The following TMEM117 variants were observed in gnomAD, a reference collection of about 807,000 sequenced individuals.
TMEM117 encodes transmembrane protein 117.
In TMEM117, 27 loss-of-function variants were observed where a neutral mutation model predicts 52.4. The observed-to-expected ratio is 0.51, with a 90% CI of 0.38 to 0.71. TMEM117 has a LOEUF of 0.71. Among genes scored for constraint, TMEM117 ranks in the 30% least tolerant of loss-of-function variants. TMEM117 has a pLI of 0.00. For missense variants in TMEM117, 556 were observed against 630.5 expected, an observed-to-expected ratio of 0.88 and a Z score of 1.26; for synonymous variants, 215 against 206.3, an observed-to-expected ratio of 1.04 and a Z score of -0.36.
rs531841395 is a variant in TMEM117, at chr12:43,915,383, C to T, written c.278-28827C>T. ...GCTTCCTGTCTTGAGTCTGGTTCAT[C>T]AGTCATAGTTCTTCTTGCCTCAAGG... On this transcript the variant is annotated intron_variant, in intron 2 of 7. Coordinates refer to ENST00000266534, the MANE Select transcript of TMEM117 (RefSeq NM_032256.3). 5.3e-5 allele frequency among the ~76,000 whole-genome samples: 8 copies of T among 152,316 alleles called. 1 individual carries two copies. Among genetic ancestry groups the T allele is most frequent in the African/African-American group, 1.9e-4 (8 of 41,564 alleles).
chr12:44,001,204 G>A (rs1233156106), intron 3 of TMEM117, among the ~76,000 whole-genome samples: 13 of 152,122 alleles, frequency 8.5e-5, no homozygotes, highest in Non-Finnish European at 1.6e-4. Flanking sequence ...ATGAAAATAA[G>A]GTACATATTA....
intron 5 of TMEM117, among the ~76,000 whole-genome samples, chr12:44,285,608 A>G (rs1378285091): frequency 2.0e-5 from 3 of 152,130 alleles, no homozygotes; most frequent in African/African-American, 7.2e-5. Context: ...TTCCTTCCCT[A>G]CTTCCTAAAG....
intron 2 of TMEM117, among the ~76,000 whole-genome samples, chr12:43,864,793 A>C (rs957239169): frequency 6.6e-6 from 1 of 151,768 alleles, no homozygotes; most frequent in Non-Finnish European, 1.5e-5. Flanking sequence ...TGGAGCCAGC[A>C]GGGGGTCCAC....
chr12:44,099,204 A>C (rs1254175730), intron 3 of TMEM117, among the ~76,000 whole-genome samples: 2 of 152,096 alleles, frequency 1.3e-5, no homozygotes, highest in Non-Finnish European at 2.9e-5. Flanking sequence ...ACAAAATAGC[A>C]ACCTCTGTGC....
chr12:44,356,946 C>A (rs760309751), intron 6 of TMEM117, among the ~76,000 whole-genome samples: 2 of 152,120 alleles, frequency 1.3e-5, no homozygotes, highest in Non-Finnish European at 2.9e-5. Context: ...CTGTTAGCTT[C>A]ATTGCATGGG....
chr12:43,928,460 C>G (rs989922031), intron 2 of TMEM117, among the ~76,000 whole-genome samples: 1 of 151,392 alleles, frequency 6.6e-6, no homozygotes, highest in African/African-American at 2.4e-5. Context: ...TCAGTTTTTG[C>G]TTTTTGTTTT....
intron 2 of TMEM117, among the ~76,000 whole-genome samples, chr12:43,864,874 C>A (rs1196629813): frequency 1.3e-5 from 2 of 152,080 alleles, no homozygotes; most frequent in Non-Finnish European, 2.9e-5. Context: ...GTCCACACTG[C>A]CTTTATGAGC....
At chr12:44,355,010 C>G (rs554800776) in intron 6 of TMEM117, among the ~76,000 whole-genome samples, 11 of 151,962 alleles carry the variant, frequency 7.2e-5, no homozygotes, top group Admixed American at 2.0e-4. Flanking sequence ...TAATAAATAC[C>G]TTTTTATTAA....
chr12:44,319,248 C>T (rs779428257), intron 6 of TMEM117, among the ~76,000 whole-genome samples: 1 of 152,222 alleles, frequency 6.6e-6, no homozygotes, highest in Non-Finnish European at 1.5e-5. Context: ...GCATCCTGCT[C>T]TCCATCCTGA....
intron 3 of TMEM117, among the ~76,000 whole-genome samples, chr12:44,129,631 G>A (rs1312551317): frequency 6.6e-6 from 1 of 152,054 alleles, no homozygotes; most frequent in African/African-American, 2.4e-5. Context: ...AATTTTTATG[G>A]GTCTTTCAAA....
intron 6 of TMEM117, among the ~76,000 whole-genome samples, chr12:44,370,553 G>A (rs1951850163): frequency 7.0e-6 from 1 of 143,438 alleles, no homozygotes; most frequent in Non-Finnish European, 1.5e-5. Flanking sequence ...GTGTCGCCCA[G>A]GCTGGACAGG....
chr12:43,926,781 T>C (rs1313006078), intron 2 of TMEM117, among the ~76,000 whole-genome samples: 1 of 150,402 alleles, frequency 6.6e-6, no homozygotes, highest in Non-Finnish European at 1.5e-5. Context: ...CTATCTATGT[T>C]TGTAGTTTTT....
intron 2 of TMEM117, among the ~76,000 whole-genome samples, chr12:43,914,472 T>C (rs929705414): frequency 6.6e-6 from 1 of 152,180 alleles, no homozygotes; most frequent in Non-Finnish European, 1.5e-5. Flanking sequence ...GTGCCCCTTC[T>C]ATGTGCCAAA....
intron 7 of TMEM117, among the ~76,000 whole-genome samples, chr12:44,385,875 T>A (rs1212958782): frequency 6.6e-6 from 1 of 152,132 alleles, no homozygotes; most frequent in Non-Finnish European, 1.5e-5. Flanking sequence ...TCTACAATAA[T>A]CTCCATTCTT....
At chr12:43,807,760 G>A in the TMEM117 span, among the ~76,000 whole-genome samples, 1 of 152,202 alleles carries the variant, frequency 6.6e-6, no homozygotes, top group African/African-American at 2.4e-5. Context: ...ACAGCCACCA[G>A]AAAGTGCTTA....
intron 2 of TMEM117, among the ~76,000 whole-genome samples, chr12:43,895,618 A>G (rs1482032587): frequency 6.6e-6 from 1 of 152,212 alleles, no homozygotes; most frequent in Non-Finnish European, 1.5e-5. Flanking sequence ...TCACATATCA[A>G]AACAACTGTC....
At chr12:44,111,036 T>C (rs1948046697) in intron 3 of TMEM117, among the ~76,000 whole-genome samples, 1 of 6,406 alleles carries the variant, frequency 1.6e-4, no homozygotes, top group Non-Finnish European at 2.4e-4. Context: ...TGTATTTCTG[T>C]GGGATCGGTG....
At chr12:44,350,357 A>G (rs1951545165) in intron 6 of TMEM117, among the ~76,000 whole-genome samples, 2 of 152,000 alleles carry the variant, frequency 1.3e-5, no homozygotes, top group African/African-American at 4.8e-5. Flanking sequence ...AAATTGGATT[A>G]TCTGTGCCCC....
chr12:44,355,052 G>A (rs990078157), intron 6 of TMEM117, among the ~76,000 whole-genome samples: 8 of 151,916 alleles, frequency 5.3e-5, no homozygotes, highest in African/African-American at 1.9e-4. Context: ...CAGACCCAAA[G>A]TAAATGGATA....
Sources: gnomAD v4.1 joint callset for allele counts (sites outside exome capture counted in the v4.1 genomes callset) on GRCh38, gnomAD v4.1.1 for gene constraint, MANE v1.5 for transcripts, NCBI Gene and HGNC (gene_info 2026-07-23, HGNC 2026-07-21) for gene names.